The following THRB variants were observed in gnomAD, a reference collection of about 807,000 sequenced individuals.
The protein encoded by THRB is thyroid hormone receptor beta.
In THRB, 12 loss-of-function variants were observed where a neutral mutation model predicts 47.8. The ratio of observed to expected loss-of-function variants is 0.25; its 90% CI spans 0.16 to 0.41. The LOEUF (loss-of-function observed/expected upper bound fraction) is 0.41. Among genes scored for constraint, THRB ranks in the 10% least tolerant of loss-of-function variants. The pLI is 1.00. For synonymous variants in THRB, 218 were observed against 212.2 expected (o/e 1.03, Z -0.24); for missense variants, 348 against 589.2 (o/e 0.59, Z 4.24).
chr3:24,399,549 G>A (rs1331570628), intron 1 of THRB, among the ~76,000 whole-genome samples: 1 of 152,078 alleles, frequency 6.6e-6, no homozygotes, highest in Admixed American at 6.6e-5. Flanking sequence ...GTGTGACTGT[G>A]CAGGTTGCAG....
chr3:24,486,498 C>A (rs1697321886), intron 1 of THRB: 1 of 152,160 alleles, frequency 6.6e-6, no homozygotes, highest in African/African-American at 2.4e-5. Flanking sequence ...ATTTTTGTGG[C>A]AACTTCAATA....
At chr3:24,481,871 T>A (rs975903469) in intron 1 of THRB, among the ~76,000 whole-genome samples, 7 of 149,398 alleles carry the variant, frequency 4.7e-5, no homozygotes, top group Non-Finnish European at 1.0e-4. Flanking sequence ...AACAAGGGAA[T>A]CCTGAGCAGG....
intron 3 of THRB, among the ~76,000 whole-genome samples, chr3:24,232,703 G>A (rs2048373521): frequency 6.6e-6 from 1 of 152,124 alleles, no homozygotes; most frequent in Admixed American, 6.6e-5. Context: ...GCTCGTGGGT[G>A]GAAAGCAGAC....
At chr3:24,224,986 T>C (rs541538015) in intron 4 of THRB, among the ~76,000 whole-genome samples, 14 of 152,280 alleles carry the variant, frequency 9.2e-5, no homozygotes, top group African/African-American at 2.9e-4. Flanking sequence ...TTATCCAAAA[T>C]AGAGCTCATA....
At chr3:24,282,196 C>G (rs1382555793) in intron 3 of THRB, among the ~76,000 whole-genome samples, 7 of 16,876 alleles carry the variant, frequency 4.1e-4, no homozygotes, top group African/African-American at 2.7e-3. Flanking sequence ...TAAAGCTCTC[C>G]TCAGCAAATG....
chr3:24,388,015 C>T (rs1398595891), intron 1 of THRB, among the ~76,000 whole-genome samples: 1 of 152,072 alleles, frequency 6.6e-6, no homozygotes, highest in African/African-American at 2.4e-5. Flanking sequence ...AACCTATCTA[C>T]AGCTATGATG....
At chr3:24,243,311 C>CGA (rs1172499543) in intron 3 of THRB, among the ~76,000 whole-genome samples, 1 of 152,034 alleles carries the variant, frequency 6.6e-6, no homozygotes, top group Non-Finnish European at 1.5e-5. Context: ...AGGTAGGATA[C>CGA]GATTCCGCTC....
chr3:24,373,259 C>G (rs920986003), intron 1 of THRB, among the ~76,000 whole-genome samples: 3 of 152,146 alleles, frequency 2.0e-5, no homozygotes, highest in African/African-American at 7.2e-5. Context: ...TCTGGCTGCT[C>G]TTTTCTCACG....
chr3:24,225,741 G>T (rs1215593665), intron 4 of THRB, among the ~76,000 whole-genome samples: 2 of 152,170 alleles, frequency 1.3e-5, no homozygotes, highest in Non-Finnish European at 2.9e-5. Flanking sequence ...ATCAATGTCA[G>T]CAGAATTTCC....
In THRB at chr3:24,454,253, A is replaced by G. The variant is rs544513132; in HGVS notation, c.-261+40399T>C. Among the ~76,000 whole-genome samples the G allele has an allele frequency of 3.3e-5, 5 of 152,362 alleles. No individual in the cohort carries two copies. In the South Asian group the frequency reaches 1.0e-3, roughly 32 times the overall value. On this transcript the variant is annotated intron_variant, in intron 1 of 10. Transcript: ENST00000646209. Reference sequence around the variant, plus strand: ...TTATGCTTAGTGAAAGAAATCAGTCACAAAAAGTCAAACATATTGTATTAT... The same window carrying G: ...TTATGCTTAGTGAAAGAAATCAGTCGCAAAAAGTCAAACATATTGTATTAT...
At chr3:24,154,655 A>G (rs1000554733) in intron 5 of THRB, among the ~76,000 whole-genome samples, 2 of 152,208 alleles carry the variant, frequency 1.3e-5, no homozygotes, top group African/African-American at 4.8e-5. Flanking sequence ...TGTGCATATA[A>G]AGACCTACTT....
chr3:24,210,616 G>A (rs1375964138), intron 4 of THRB, among the ~76,000 whole-genome samples: 1 of 152,134 alleles, frequency 6.6e-6, no homozygotes, highest in African/African-American at 2.4e-5. Context: ...GAAACTGTGA[G>A]GTTAGTGAGT....
At chr3:24,326,103 T>C (rs1340464734) in intron 2 of THRB, among the ~76,000 whole-genome samples, 1 of 152,368 alleles carries the variant, frequency 6.6e-6, no homozygotes, top group South Asian at 2.1e-4. Flanking sequence ...ATATCTTGAA[T>C]ATGTGATATC....
chr3:24,326,594 T>C (rs537651758), intron 2 of THRB, among the ~76,000 whole-genome samples: 1 of 152,222 alleles, frequency 6.6e-6, no homozygotes, highest in African/African-American at 2.4e-5. Flanking sequence ...TGGCATAGCA[T>C]GGTGTTTTGC....
intron 4 of THRB, among the ~76,000 whole-genome samples, chr3:24,226,577 A>G (rs547011617): frequency 6.6e-6 from 1 of 152,306 alleles, no homozygotes; most frequent in East Asian, 1.9e-4. Context: ...TCAGTCTGCG[A>G]GGAAAGCATC....
chr3:24,238,904 T>G (rs1005324021), intron 3 of THRB, among the ~76,000 whole-genome samples: 1 of 151,944 alleles, frequency 6.6e-6, no homozygotes, highest in African/African-American at 2.4e-5. Context: ...TTGCAGAAAT[T>G]GACTTCGGAA....
At chr3:24,243,488 G>T (rs1257338785) in intron 3 of THRB, among the ~76,000 whole-genome samples, 7 of 151,782 alleles carry the variant, frequency 4.6e-5, no homozygotes, top group Admixed American at 4.6e-4. Flanking sequence ...ATTTTTCCTT[G>T]CCTGAAATGC....
In THRB at chr3:24,130,442, C is replaced by A. The variant is rs796624920; in HGVS notation, c.886-2685G>T. 5.9e-5 allele frequency among the ~76,000 whole-genome samples: 9 copies of A among 152,078 alleles called. No homozygotes were observed. In the South Asian group the frequency reaches 1.9e-3, roughly 32 times the overall value. The stretch of plus-strand genomic sequence containing the variant: ...ACATGAGTTTTACACTGGAAAAAAA[C>A]CATCTCAGGGGCTGGGGGGGCGGTG... On this transcript the variant is annotated intron_variant, in intron 9 of 10. Transcript: ENST00000646209.
chr3:24,461,309 G>C (rs2073678538), intron 1 of THRB, among the ~76,000 whole-genome samples: 1 of 152,274 alleles, frequency 6.6e-6, no homozygotes, highest in Admixed American at 6.5e-5. Context: ...TTATAAAGTG[G>C]AGATAAAAGT....
Sources: allele counts gnomAD v4.1 joint callset (sites outside exome capture counted in the v4.1 genomes callset), GRCh38; gene constraint gnomAD v4.1.1; transcripts MANE v1.5; gene names NCBI Gene and HGNC (gene_info 2026-07-23, HGNC 2026-07-21).